ASAP1: variants seen among roughly 807,000 people sequenced by gnomAD.
The protein encoded by ASAP1 is ArfGAP with SH3 domain, ankyrin repeat and PH domain 1.
A neutral mutation model predicts 145.2 loss-of-function variants in ASAP1; 43 were observed. The observed-to-expected ratio is 0.30, with a 90% confidence interval of 0.23 to 0.38. ASAP1 has a LOEUF of 0.38. Ranked by LOEUF, ASAP1 falls within the 10% of genes least tolerant of loss-of-function variation. The probability of loss-of-function intolerance (pLI) is 1.00; values close to 1 mark genes in which losing one functional copy is unlikely to be tolerated. For synonymous variants in ASAP1, 546 were observed against 515.5 expected (o/e 1.06, Z -0.80); for missense variants, 1,018 against 1,355.3 (o/e 0.75, Z 3.91).
At chr8:130,379,310 AC>A (rs1827655149) in intron 2 of ASAP1, among the ~76,000 whole-genome samples, 1 of 152,148 alleles carries the variant, frequency 6.6e-6, no homozygotes, top group African/African-American at 2.4e-5. Context: ...TTTATAATAA[AC>A]CAGTAATAGT....
At chr8:130,250,718 T>G (rs1819140965) in intron 3 of ASAP1, among the ~76,000 whole-genome samples, 2 of 151,968 alleles carry the variant, frequency 1.3e-5, no homozygotes, top group African/African-American at 2.4e-5. Context: ...AGATGATTAC[T>G]AAAACTGAAG....
At chr8:130,386,171 G>A (rs985619938) in intron 2 of ASAP1, among the ~76,000 whole-genome samples, 1 of 152,190 alleles carries the variant, frequency 6.6e-6, no homozygotes, top group African/African-American at 2.4e-5. Context: ...GCCAGTGGAG[G>A]AGAAAGCACT....
intron 27 of ASAP1, among the ~76,000 whole-genome samples, chr8:130,061,847 A>G (rs2135072751): frequency 6.6e-6 from 1 of 152,314 alleles, no homozygotes; most frequent in South Asian, 2.1e-4. Flanking sequence ...GAAATGTATC[A>G]ATTTGTTGAC....
At chr8:130,063,477 C>T (rs1376180444) in intron 27 of ASAP1, among the ~76,000 whole-genome samples, 1 of 152,166 alleles carries the variant, frequency 6.6e-6, no homozygotes, top group Non-Finnish European at 1.5e-5. Flanking sequence ...AGTCTGAGAC[C>T]CTTGAGGGGA....
chr8:130,061,540 G>C (rs2097419573), intron 27 of ASAP1, among the ~76,000 whole-genome samples: 1 of 152,002 alleles, frequency 6.6e-6, no homozygotes, highest in Non-Finnish European at 1.5e-5. Context: ...AATTTTGAAT[G>C]GTGCATTCTA....
At chr8:130,315,929 T>C (rs1329267978) in intron 3 of ASAP1, among the ~76,000 whole-genome samples, 1 of 152,214 alleles carries the variant, frequency 6.6e-6, no homozygotes, top group Non-Finnish European at 1.5e-5. Context: ...ATCTACTCCC[T>C]CTACCTGGTT....
At position 130,112,132 on chromosome 8, in the gene ASAP1, G is replaced by A. The variant is rs147401049; in HGVS notation, c.2363C>T (p.Thr788Met). The A allele has an allele frequency of 1.1e-4, 172 of 1,614,038 alleles. No homozygotes were observed. The highest frequency in any genetic ancestry group is 1.9e-5 in the Non-Finnish European group (23 of 1,180,034). The change falls in exon 24 of 30, where the codon ACG (threonine) becomes ATG (methionine). Residue 788 changes from threonine (T) to methionine (M), a missense_variant. By Grantham distance (81) the Thr-to-Met change is moderately conservative. Transcript: ENST00000518721. ...TSTDSPTSPT[T>M]EAPPLPPRNA... ...CCTAGGAGGCAGAGGGGGAGCCTCC[G>A]TGGTTGGTGATGTGGGCGAGTCTGT...
chr8:130,148,425 A>G (rs1191978493), intron 13 of ASAP1, among the ~76,000 whole-genome samples: 1 of 152,248 alleles, frequency 6.6e-6, no homozygotes, highest in Non-Finnish European at 1.5e-5. Flanking sequence ...TTCAAAGATG[A>G]GTAAGATGCG....
intron 2 of ASAP1, among the ~76,000 whole-genome samples, chr8:130,390,629 A>G (rs1023281706): frequency 6.6e-6 from 1 of 152,240 alleles, no homozygotes; most frequent in Non-Finnish European, 1.5e-5. Flanking sequence ...CTAGGGCTTA[A>G]ATAAATGCTT....
chr8:130,175,917 GAC>G (rs1364557021), intron 9 of ASAP1, among the ~76,000 whole-genome samples: 1 of 152,168 alleles, frequency 6.6e-6, no homozygotes, highest in African/African-American at 2.4e-5. Flanking sequence ...TCTGTAAAAT[GAC>G]AGATAATAAA....
intron 7 of ASAP1, among the ~76,000 whole-genome samples, chr8:130,186,417 T>A (rs1355739345): frequency 6.6e-6 from 1 of 152,200 alleles, no homozygotes; most frequent in East Asian, 1.9e-4. Context: ...TATTCTCTTA[T>A]GTTTATAGTT....
intron 12 of ASAP1, among the ~76,000 whole-genome samples, chr8:130,156,539 G>A (rs2097658533): frequency 1.3e-5 from 2 of 152,200 alleles, no homozygotes; most frequent in Non-Finnish European, 2.9e-5. Flanking sequence ...TGTGGAATGA[G>A]TACATGAAGG....
chr8:130,216,932 T>A (rs1486534533), intron 4 of ASAP1, among the ~76,000 whole-genome samples: 1 of 152,238 alleles, frequency 6.6e-6, no homozygotes, highest in Non-Finnish European at 1.5e-5. Flanking sequence ...AGCAGTCTGG[T>A]ACCAACACAG....
At chr8:130,211,919 T>C (rs115772870) in intron 5 of ASAP1, among the ~76,000 whole-genome samples, 4,025 of 152,248 alleles carry the variant, frequency 0.026, 63 homozygotes, top group Middle Eastern at 0.044. Context: ...TTCTGAGAAG[T>C]ATGGGTTCCC....
rs1366034108 is a variant in ASAP1, at chr8:130,124,123, A to C, written c.1516-19T>G. 3.2e-6 allele frequency: 5 copies of C among 1,546,078 alleles called. No homozygotes were observed. Among genetic ancestry groups the C allele is most frequent in the African/African-American group, 1.4e-5 (1 of 72,256 alleles). On this transcript the variant is annotated intron_variant, in intron 17 of 29. Transcript: ENST00000518721. ...TGGCCAGCTGTAACAGAAAAAACAA[A>C]CAACCACAATATAGCAAACTCTTTG...
intron 3 of ASAP1, among the ~76,000 whole-genome samples, chr8:130,276,130 G>A (rs879160569): frequency 6.6e-6 from 1 of 152,128 alleles, no homozygotes; most frequent in African/African-American, 2.4e-5. Flanking sequence ...GAACCCTGCG[G>A]GCCTGACCTC....
At chr8:130,146,072 C>T (rs1455042348) in intron 13 of ASAP1, among the ~76,000 whole-genome samples, 1 of 150,544 alleles carries the variant, frequency 6.6e-6, no homozygotes, top group Non-Finnish European at 1.5e-5. Context: ...GGCTGGTCTC[C>T]AAGTCCTGGA....
rs1233108170 is a variant in ASAP1, at chr8:130,425,020, A to AT, written c.-28+18439_-28+18440insA. On this transcript the variant is annotated intron_variant, in intron 1 of 29. Transcript: ENST00000518721. ...TAAAAATAAATAAATAAATAAATAAAAAAAAGAGTGGACAAACAGTGTGGG... is the reference window on the plus strand; with the variant it reads ...TAAAAATAAATAAATAAATAAATAAATAAAAAGAGTGGACAAACAGTGTGGG... 9.4e-4 allele frequency among the ~76,000 whole-genome samples: 134 copies of AT among 143,040 alleles called. 4 individuals carry two copies. Among genetic ancestry groups the AT allele is most frequent in the African/African-American group, 2.7e-3 (110 of 40,426 alleles). 93.8% of individuals were successfully genotyped at this position (143,040 alleles called of 152,430 possible).
chr8:130,066,447 G>T (rs940948223), intron 27 of ASAP1, among the ~76,000 whole-genome samples: 3 of 152,168 alleles, frequency 2.0e-5, no homozygotes, highest in African/African-American at 7.2e-5. Flanking sequence ...CTGGGCTCAA[G>T]TGATCCTCCC....
Sources: allele counts gnomAD v4.1 joint callset (sites outside exome capture counted in the v4.1 genomes callset), GRCh38; gene constraint gnomAD v4.1.1; transcripts MANE v1.5; gene names NCBI Gene and HGNC (gene_info 2026-07-23, HGNC 2026-07-21).